ANKS1B: variants seen among roughly 807,000 people sequenced by gnomAD.
ANKS1B encodes the protein ankyrin repeat and sterile alpha motif domain containing 1B.
Under a neutral mutation model 148.3 loss-of-function variants are expected in ANKS1B, and 36 were observed. That is an observed-to-expected ratio of 0.24 (90% CI 0.19 to 0.32). The LOEUF (loss-of-function observed/expected upper bound fraction) is 0.32, where lower values mean the gene tolerates loss of function less well. Ranked by LOEUF, ANKS1B falls within the 10% of genes least tolerant of loss-of-function variation. The probability of loss-of-function intolerance (pLI) is 1.00; values close to 1 mark genes in which losing one functional copy is unlikely to be tolerated. For missense variants in ANKS1B, 1,157 were observed against 1,542.6 expected, an observed-to-expected ratio of 0.75 and a Z score of 4.19; for synonymous variants, 542 against 560.8, an observed-to-expected ratio of 0.97 and a Z score of 0.47.
At chr12:99,554,232 T>A (rs949463687) in intron 9 of ANKS1B, among the ~76,000 whole-genome samples, 1 of 152,054 alleles carries the variant, frequency 6.6e-6, no homozygotes, top group Non-Finnish European at 1.5e-5. Flanking sequence ...AGTAACCCAA[T>A]TGAGAAGTCT....
intron 9 of ANKS1B, among the ~76,000 whole-genome samples, chr12:99,590,203 T>C (rs1258415946): frequency 4.0e-5 from 6 of 151,814 alleles, no homozygotes; most frequent in African/African-American, 1.5e-4. Context: ...TGTTAACTCA[T>C]GTGTTTATTT....
At chr12:98,886,948 A>G (rs2099741483) in intron 17 of ANKS1B, among the ~76,000 whole-genome samples, 1 of 152,198 alleles carries the variant, frequency 6.6e-6, no homozygotes. Flanking sequence ...GTCTTTCTCG[A>G]AAAAAAGAAA....
chr12:99,099,856 A>C (rs2057445166), intron 15 of ANKS1B: 1 of 152,222 alleles, frequency 6.6e-6, no homozygotes, highest in Non-Finnish European at 1.5e-5. Context: ...AAAGGAAGGA[A>C]AAAGGTTTGT....
At chr12:99,395,313 C>G (rs185406472) in intron 12 of ANKS1B, among the ~76,000 whole-genome samples, 1 of 152,148 alleles carries the variant, frequency 6.6e-6, no homozygotes, top group Non-Finnish European at 1.5e-5. Flanking sequence ...AAAAATCACT[C>G]TGGGTTAAAG....
In ANKS1B at chr12:98,823,646, C is replaced by A. The variant is rs143700873; in HGVS notation, c.3066+5528G>T. ...AGCTGGGACTACAGGCATCCGCCATCATGCCCAGCTAACTTTTGAGTCTTT... is the reference window on the plus strand; with the variant it reads ...AGCTGGGACTACAGGCATCCGCCATAATGCCCAGCTAACTTTTGAGTCTTT... On this transcript the variant is annotated intron_variant, in intron 19 of 26. Coordinates refer to ENST00000683438, the MANE Select transcript of ANKS1B (RefSeq NM_001352186.2). Among the ~76,000 whole-genome samples, 17 of 152,350 alleles carry A rather than the reference C, an allele frequency of 1.1e-4. No individual in the cohort carries two copies. The East Asian group carries it at 3.3e-3, about 29-fold the overall frequency.
intron 8 of ANKS1B, among the ~76,000 whole-genome samples, chr12:99,722,031 C>T (rs181511659): frequency 5.0e-4 from 76 of 152,302 alleles, no homozygotes; most frequent in African/African-American, 1.8e-3. Context: ...CTCTTCAATT[C>T]TATGAAGGCT....
chr12:99,783,133 G>C (rs1300211485), intron 4 of ANKS1B, among the ~76,000 whole-genome samples: 1 of 151,424 alleles, frequency 6.6e-6, no homozygotes, highest in African/African-American at 2.4e-5. Flanking sequence ...GGAGGTTGCA[G>C]TGAGCCGAGA....
Position 99,971,626 on chromosome 12 carries a change from A to G in ANKS1B, c.134+12478T>C, listed in dbSNP as rs147940087. On this transcript the variant is annotated intron_variant, in intron 1 of 26. Coordinates refer to ENST00000683438, the MANE Select transcript of ANKS1B (RefSeq NM_001352186.2). ...CAGGCCAAAAAAAAAAAAAAGAAAG[A>G]AAAATCAATGTGGAAGAATACTAAT... is the stretch of plus-strand genomic sequence containing the variant. Among the ~76,000 whole-genome samples, 82 of 152,226 alleles carry G rather than the reference A, an allele frequency of 5.4e-4. 1 individual carries two copies. The East Asian group carries it at 0.015, about 27-fold the overall frequency.
intron 1 of ANKS1B, among the ~76,000 whole-genome samples, chr12:99,881,956 T>A (rs1431548266): frequency 1.3e-5 from 2 of 152,110 alleles, no homozygotes; most frequent in African/African-American, 4.8e-5. Flanking sequence ...GAGGAAGAAA[T>A]TTCACAGACA....
intron 8 of ANKS1B, among the ~76,000 whole-genome samples, chr12:99,741,206 AACACACACACACAC>A (rs774613671): frequency 5.9e-5 from 8 of 135,406 alleles, no homozygotes; most frequent in East Asian, 2.3e-4. Context: ...GGCTCCGTCA[AACACACACACACAC>A]ACACACACAC....
chr12:98,960,447 A>G (rs1291563094), intron 17 of ANKS1B, among the ~76,000 whole-genome samples: 1 of 152,172 alleles, frequency 6.6e-6, no homozygotes, highest in Non-Finnish European at 1.5e-5. Flanking sequence ...GGTGCCCCCT[A>G]ATGCAGTTAT....
intron 9 of ANKS1B, among the ~76,000 whole-genome samples, chr12:99,581,402 A>T (rs1367281253): frequency 1.3e-5 from 2 of 152,212 alleles, no homozygotes; most frequent in Admixed American, 1.3e-4. Context: ...TAAAAAAGTA[A>T]CTTAAAATGT....
intron 8 of ANKS1B, among the ~76,000 whole-genome samples, chr12:99,754,690 A>T (rs2061407987): frequency 6.6e-6 from 1 of 152,212 alleles, no homozygotes; most frequent in African/African-American, 2.4e-5. Context: ...CAAGACTAAG[A>T]AATTCACTCA....
chr12:99,824,085 A>T lies in ANKS1B; in HGVS notation c.215+1224T>A, dbSNP rs77393095. ...CTTTGGCTATTTGAGCTCTTTTTTT[A>T]AATTCAAAATGAATTTTAGAATAGT... is the stretch of plus-strand genomic sequence containing the variant. On this transcript the variant is annotated intron_variant, in intron 2 of 26. Coordinates refer to ENST00000683438, the MANE Select transcript of ANKS1B (RefSeq NM_001352186.2). Among the ~76,000 whole-genome samples, 1,115 of 152,222 alleles carry T rather than the reference A, an allele frequency of 7.3e-3. 12 individuals carry two copies. Among genetic ancestry groups the T allele is most frequent in the African/African-American group, 0.025 (1,057 of 41,544 alleles).
At chr12:99,125,967 A>C (rs868706210) in intron 15 of ANKS1B, among the ~76,000 whole-genome samples, 4 of 152,192 alleles carry the variant, frequency 2.6e-5, no homozygotes, top group Non-Finnish European at 5.9e-5. Flanking sequence ...AGGAAAGACT[A>C]ATAATACAAT....
chr12:98,941,112 T>C (rs1289520268), intron 17 of ANKS1B, among the ~76,000 whole-genome samples: 1 of 152,176 alleles, frequency 6.6e-6, no homozygotes, highest in East Asian at 1.9e-4. Flanking sequence ...AATATTTTTG[T>C]CAACTGATCA....
At chr12:99,697,283 G>C (rs144963468) in intron 8 of ANKS1B, among the ~76,000 whole-genome samples, 14 of 152,112 alleles carry the variant, frequency 9.2e-5, no homozygotes, top group Non-Finnish European at 1.5e-5. Flanking sequence ...ATCTGCACAG[G>C]AATGTTTATA....
intron 1 of ANKS1B, among the ~76,000 whole-genome samples, chr12:99,905,165 G>A (rs2093733401): frequency 6.6e-6 from 1 of 152,152 alleles, no homozygotes; most frequent in Non-Finnish European, 1.5e-5. Context: ...TGAGGGTAAA[G>A]GGAGTTAATT....
At chr12:98,784,142 G>A (rs2098765562) in intron 22 of ANKS1B, among the ~76,000 whole-genome samples, 1 of 152,220 alleles carries the variant, frequency 6.6e-6, no homozygotes, top group Non-Finnish European at 1.5e-5. Context: ...AAATGCTTTT[G>A]CACATGCTCA....
Sources: gnomAD v4.1 joint callset for allele counts (sites outside exome capture counted in the v4.1 genomes callset) on GRCh38, gnomAD v4.1.1 for gene constraint, MANE v1.5 for transcripts, NCBI Gene and HGNC (gene_info 2026-07-23, HGNC 2026-07-21) for gene names.